The following SGSM3 variants were observed in gnomAD, a reference collection of about 807,000 sequenced individuals.
The protein encoded by SGSM3 is RUN and SH3 containing 3.
Under a neutral mutation model 100.5 loss-of-function variants are expected in SGSM3, and 96 were observed. That is an observed-to-expected ratio of 0.96 (90% CI 0.81 to 1.13). The LOEUF (loss-of-function observed/expected upper bound fraction) is 1.13, where lower values mean the gene tolerates loss of function less well. Ranked by LOEUF, SGSM3 falls within the 50% of genes most tolerant of loss-of-function variation. The pLI is 0.00. For synonymous variants in SGSM3, 483 were observed against 422.8 expected (o/e 1.14, Z -1.75); for missense variants, 1,001 against 1,015.8 (o/e 0.99, Z 0.20).
Position 40,406,498 on chromosome 22 carries a change from C to G in SGSM3, c.1021C>G (p.Pro341Ala). 6.2e-7 allele frequency: 1 copy of G among 1,611,384 alleles called. No individual in the cohort carries two copies. Among genetic ancestry groups the G allele is most frequent in the Non-Finnish European group, 8.5e-7 (1 of 1,178,886 alleles). The change falls in exon 10 of 22, where the codon CCG (proline) becomes GCG (alanine). Residue 341 changes from proline to alanine, a missense_variant. Physicochemically the swap from Pro to Ala is conservative, Grantham distance 27. Transcript: ENST00000248929. ...CATCTTCAACACGCTATCGGATATC[C>G]CGTCGCAGATGGAGGACGCGGAGCT... is the stretch of plus-strand genomic sequence containing the variant. ...ASIFNTLSDI[P>A]SQMEDAELLL... is the part of the protein sequence containing the mutation.
At chr22:40,385,499 T>C (rs2048272550) in intron 1 of SGSM3, among the ~76,000 whole-genome samples, 1 of 152,032 alleles carries the variant, frequency 6.6e-6, no homozygotes, top group Non-Finnish European at 1.5e-5. Flanking sequence ...GGGTGGAGAA[T>C]TTAACGTAGG....
intron 1 of SGSM3, among the ~76,000 whole-genome samples, chr22:40,396,372 A>G (rs1220415469): frequency 6.6e-6 from 1 of 152,064 alleles, no homozygotes; most frequent in African/African-American, 2.4e-5. Context: ...CGGGTGGCTC[A>G]CTTGAGGTCA....
chr22:40,391,822 A>G (rs2049389929), intron 1 of SGSM3, among the ~76,000 whole-genome samples: 1 of 152,208 alleles, frequency 6.6e-6, no homozygotes, highest in African/African-American at 2.4e-5. Flanking sequence ...GCATTTGTGC[A>G]GAGTGCCCAG....
chr22:40,395,034 C>G (rs1206643287), intron 1 of SGSM3, among the ~76,000 whole-genome samples: 1 of 152,170 alleles, frequency 6.6e-6, no homozygotes, highest in African/African-American at 2.4e-5. Flanking sequence ...TCTCACTTAA[C>G]CTCATAAGTA....
At position 40,404,669 on chromosome 22, in the gene SGSM3, G is replaced by A. The variant is rs1258669066; in HGVS notation, c.474+5G>A. 6.2e-7 allele frequency: 1 copy of A among 1,600,252 alleles called. No individual in the cohort carries two copies. The highest frequency in any genetic ancestry group is 8.5e-7 in the Non-Finnish European group (1 of 1,169,702). On this transcript the variant is annotated splice_donor_5th_base_variant and intron_variant, in intron 6 of 21. Transcript: ENST00000248929. ...GAGACCATCGCTGCCAAGCAGGTGA[G>A]GCCGGTGGCACTGTGCAGGAAGAGC...
intron 1 of SGSM3, chr22:40,373,380 CT>C (rs2045941427): frequency 6.6e-6 from 1 of 152,190 alleles, no homozygotes; most frequent in African/African-American, 2.4e-5. Context: ...ACATTCTTCT[CT>C]TCCATTTACT....
At chr22:40,404,533 G>C (rs1478430789) in intron 5 of SGSM3, 24 bp from the exon 6 acceptor site, 1 of 1,611,028 alleles carries the variant, frequency 6.2e-7, no homozygotes, top group Admixed American at 1.7e-5. Flanking sequence ...AAGACTGAGT[G>C]CCCTTGCGGC....
intron 4 of SGSM3, among the ~76,000 whole-genome samples, chr22:40,402,567 C>A (rs911630605): frequency 1.3e-5 from 2 of 152,082 alleles, no homozygotes; most frequent in African/African-American, 4.8e-5. Context: ...TGGTGAAACC[C>A]CATCTCTACT....
At chr22:40,382,054 T>A (rs2047659864) in intron 1 of SGSM3, among the ~76,000 whole-genome samples, 1 of 152,202 alleles carries the variant, frequency 6.6e-6, no homozygotes, top group African/African-American at 2.4e-5. Flanking sequence ...TTCACTGTCC[T>A]GTCTAGGATC....
chr22:40,389,600 GAAA>G (rs71326802), intron 1 of SGSM3, among the ~76,000 whole-genome samples: 1 of 33,648 alleles, frequency 3.0e-5, no homozygotes, highest in African/African-American at 1.3e-4. Context: ...CTCCGTCTCA[GAAA>G]AAAAAAAAAA....
At chr22:40,400,370 G>A (rs997910391) in intron 1 of SGSM3, among the ~76,000 whole-genome samples, 2 of 152,302 alleles carry the variant, frequency 1.3e-5, no homozygotes, top group African/African-American at 2.4e-5. Flanking sequence ...TTGGCCGGGC[G>A]CGGTGGCTCA....
At chr22:40,405,069 CGCCTGGGGTCT>C (rs1569206518) in intron 6 of SGSM3, 61 bp from the exon 7 acceptor site, 4 of 1,438,748 alleles carry the variant, frequency 2.8e-6, no homozygotes, top group Non-Finnish European at 3.7e-6. Flanking sequence ...GGGAGAAGCC[CGCCTGGGGTCT>C]GCCTCCCTCC....
At position 40,408,332 on chromosome 22, in the gene SGSM3, G is replaced by A; in HGVS notation, c.1685G>A (p.Gly562Glu). The change falls in exon 16 of 22, where the codon GGG becomes GAG. Residue 562 changes from glycine (G) to glutamate (E), a missense_variant. Coordinates refer to ENST00000248929, the MANE Select transcript of SGSM3 (RefSeq NM_015705.6). ...VTEGVTDLVR[G>E]TLCPALKALF... ...GAGGGGGTCACAGACCTCGTGCGAG[G>A]GACCCTCTGCCCGGCCCTTAAGGCC... is the stretch of plus-strand genomic sequence containing the variant. 1 of 1,613,584 alleles carries A rather than the reference G, an allele frequency of 6.2e-7. No homozygotes were observed. The highest frequency in any genetic ancestry group is 1.3e-5 in the African/African-American group (1 of 75,026).
intron 7 of SGSM3, 46 bp downstream of exon 7, chr22:40,405,330 C>A: frequency 7.0e-7 from 1 of 1,437,456 alleles, no homozygotes; most frequent in Non-Finnish European, 9.1e-7. Context: ...AGGACCCCCT[C>A]CAGGACCCTA....
At chr22:40,405,538 A>T in intron 7 of SGSM3, 111 bp from the exon 8 acceptor site, 3 of 1,043,414 alleles carry the variant, frequency 2.9e-6, no homozygotes, top group Non-Finnish European at 2.8e-6. Flanking sequence ...GGGTTCCAGC[A>T]TGCGTGCCCC....
At chr22:40,403,760 C>T (rs1350419747) in intron 4 of SGSM3, among the ~76,000 whole-genome samples, 1 of 152,142 alleles carries the variant, frequency 6.6e-6, no homozygotes, top group Non-Finnish European at 1.5e-5. Context: ...GTCACTGTGG[C>T]TGCTGAGGGG....
chr22:40,374,471 G>A (rs956766527), intron 1 of SGSM3, among the ~76,000 whole-genome samples: 2 of 152,228 alleles, frequency 1.3e-5, no homozygotes, highest in Admixed American at 6.5e-5. Context: ...TGGTAACTGA[G>A]CTACAATTTC....
Position 40,400,700 on chromosome 22 carries a change from G to A in SGSM3, c.-107G>A. The A allele has an allele frequency of 9.2e-7, 1 of 1,081,094 alleles. No individual in the cohort carries two copies. Among genetic ancestry groups the A allele is most frequent in the Non-Finnish European group, 1.4e-6 (1 of 726,996 alleles). 67.0% of individuals were successfully genotyped at this position (1,081,094 alleles called of 1,614,324 possible). On this transcript the variant is annotated 5_prime_UTR_variant, in exon 2 of 22. Transcript: ENST00000248929. ...TCCTCTTTTCTCTTCTAACAGGGCA[G>A]ATGATTCTGGACCAGATGAAGCCTG...
At chr22:40,374,199 G>C (rs911330991) in intron 1 of SGSM3, among the ~76,000 whole-genome samples, 1 of 151,642 alleles carries the variant, frequency 6.6e-6, no homozygotes, top group African/African-American at 2.4e-5. Flanking sequence ...TGATCCGCCT[G>C]CCTCGGCCTC....
Sources: gnomAD v4.1 joint callset for allele counts (sites outside exome capture counted in the v4.1 genomes callset) on GRCh38, gnomAD v4.1.1 for gene constraint, MANE v1.5 for transcripts, NCBI Gene and HGNC (gene_info 2026-07-23, HGNC 2026-07-21) for gene names.